The following EVC variants were observed in gnomAD, a reference collection of about 807,000 sequenced individuals.
The protein encoded by EVC is evC complex member EVC.
Under a neutral mutation model 118.9 loss-of-function variants are expected in EVC, and 116 were observed. The observed-to-expected ratio is 0.98, with a 90% CI of 0.84 to 1.14. The LOEUF (loss-of-function observed/expected upper bound fraction) is 1.14. Among genes scored for constraint, EVC ranks in the 50% most tolerant of loss-of-function variants. The pLI is 0.00. For missense variants in EVC, 1,401 were observed against 1,246.4 expected (o/e 1.12, Z -1.87); for synonymous variants, 619 against 534.7 (o/e 1.16, Z -2.18).
In EVC at chr4:5,731,785, A is replaced by G; in HGVS notation, c.617+128A>G. On this transcript the variant is annotated intron_variant, in intron 4 of 20. Transcript: ENST00000264956. This position sits in a 1 kb window ranked among gnomAD's most constrained non-coding sequence, Gnocchi z 5.6. ...GTGACTCTGCCAGGGACACACAGCG[A>G]CCCAGCGTCACCATCGGAGCCCCAG... 2 of 911,760 alleles carry G rather than the reference A, an allele frequency of 2.2e-6. No homozygotes were observed. Among genetic ancestry groups the G allele is most frequent in the Non-Finnish European group, 3.5e-6 (2 of 572,452 alleles). The allele number at this position is 911,760 out of a possible 1,614,324, so 56.5% of individuals were successfully genotyped here.
At chr4:5,822,625 A>G in the EVC span, among the ~76,000 whole-genome samples, 1 of 152,174 alleles carries the variant, frequency 6.6e-6, no homozygotes, top group Non-Finnish European at 1.5e-5. Flanking sequence ...AGCTCAACAA[A>G]TATTTATTAA....
Position 5,711,419 on chromosome 4 carries a change from G to A in EVC, c.39G>A (p.Arg13=), listed in dbSNP as rs1479357518. 7 of 1,026,076 alleles carry A rather than the reference G, an allele frequency of 6.8e-6. No individual in the cohort carries two copies. Among genetic ancestry groups the A allele is most frequent in the Non-Finnish European group, 7.0e-6 (6 of 859,652 alleles). 63.6% of individuals were successfully genotyped at this position (1,026,076 alleles called of 1,614,324 possible). A position where few individuals can be genotyped will look rare whatever the true frequency, so the allele number is the denominator to read the frequency against. ...GGGCGGCCTGCAAGAGCGACGCGCGGCTGCTGCTGGGGCGGGACGCGCTGC... is the reference window on the plus strand; with the variant it reads ...GGGCGGCCTGCAAGAGCGACGCGCGACTGCTGCTGGGGCGGGACGCGCTGC... ...RGGAACKSDA[R]LLLGRDALRP... The change falls in exon 1 of 21, where the codon CGG becomes CGA. Residue 13 remains arginine, a synonymous_variant. Coordinates refer to ENST00000264956, the MANE Select transcript of EVC (RefSeq NM_153717.3).
chr4:5,807,350 C>A (rs545332008), intron 17 of EVC, among the ~76,000 whole-genome samples: 207 of 152,272 alleles, frequency 1.4e-3, no homozygotes, highest in African/African-American at 4.7e-3. Context: ...AAAGGTGTTA[C>A]TGGCGGACAG....
At chr4:5,827,368 G>GT in the EVC span, among the ~76,000 whole-genome samples, 8 of 152,090 alleles carry the variant, frequency 5.3e-5, no homozygotes, top group Non-Finnish European at 8.8e-5. Flanking sequence ...CCCATCCCTT[G>GT]TTTCCCCATC....
rs778787222 is a variant in EVC at position 5,753,901 on chromosome 4, C to T, written c.1432C>T (p.Gln478Ter). The T allele has an allele frequency of 1.9e-6, 3 of 1,613,618 alleles. No individual in the cohort carries two copies. Among genetic ancestry groups the T allele is most frequent in the Non-Finnish European group, 2.5e-6 (3 of 1,180,030 alleles). ...ACAGAGAAGCTTCCTGGCTGAGGCC[C>T]AGCCGACTGCTGACCCGGAAAAGTT... ...EEQRSFLAEA[Q>*]PTADPEKFLE... The change falls in exon 10 of 21, where the codon CAG becomes TAG. Residue 478 changes from glutamine to a stop codon, truncating the protein, a stop_gained. Coordinates refer to ENST00000264956, the MANE Select transcript of EVC (RefSeq NM_153717.3). LOFTEE classifies it high-confidence loss of function.
At chr4:5,773,726 G>C (rs560293210) in intron 11 of EVC, among the ~76,000 whole-genome samples, 1 of 152,012 alleles carries the variant, frequency 6.6e-6, no homozygotes, top group African/African-American at 2.4e-5. Flanking sequence ...GCTTCTGGTG[G>C]ATGGCCCAGT....
At chr4:5,825,897 ACAGACGCACACAC>A in the EVC span, 1 of 523,856 alleles carries the variant, frequency 1.9e-6, no homozygotes. The surrounding 1 kb of genome is among the most constrained non-coding windows in gnomAD (Gnocchi z 4.4). Flanking sequence ...GCATACACAT[ACAGACGCACACAC>A]CACGCACACG....
rs922634576 is a variant in EVC, at chr4:5,752,982, G to A, written c.1245G>A (p.Gly415=). 1.2e-6 allele frequency: 2 copies of A among 1,613,548 alleles called. No individual in the cohort carries two copies. The highest frequency in any genetic ancestry group is 2.7e-5 in the African/African-American group (2 of 74,940). Residue 415 remains glycine, a synonymous_variant, in exon 9 of 21, where the codon GGG becomes GGA. Coordinates refer to ENST00000264956, the MANE Select transcript of EVC (RefSeq NM_153717.3). ...TGGCTGGTGAGGGGAAGCTGTCCGG[G>A]CGGCAGAAGGAGGAGCTGCTCACGC... ...ELLAGEGKLS[G]RQKEELLTQQ... is the part of the protein sequence containing the mutation.
the EVC span, among the ~76,000 whole-genome samples, chr4:5,819,587 C>T: frequency 3.3e-5 from 5 of 152,166 alleles, no homozygotes; most frequent in Admixed American, 6.5e-5. Context: ...GCAAGCACCC[C>T]GTCAGAGTCT....
chr4:5,783,412 A>G, intron 11 of EVC, 140 bp from the exon 12 acceptor site: 1 of 797,870 alleles, frequency 1.3e-6, no homozygotes, highest in Admixed American at 1.9e-5. Context: ...GCATGCTTGC[A>G]TACGTGTGAC....
intron 7 of EVC, among the ~76,000 whole-genome samples, chr4:5,747,729 A>G (rs917763231): frequency 2.6e-5 from 4 of 152,230 alleles, no homozygotes; most frequent in Non-Finnish European, 5.9e-5. Context: ...TTTTAGGACA[A>G]TAACTAATAT....
chr4:5,759,608 T>A (rs1393860121), intron 11 of EVC, among the ~76,000 whole-genome samples: 1 of 152,168 alleles, frequency 6.6e-6, no homozygotes, highest in African/African-American at 2.4e-5. Context: ...TTGCTGTGCA[T>A]CAGAATGTCA....
At chr4:5,724,271 G>C (rs1725445081) in intron 2 of EVC, among the ~76,000 whole-genome samples, 1 of 152,252 alleles carries the variant, frequency 6.6e-6, no homozygotes, top group Non-Finnish European at 1.5e-5. Flanking sequence ...GCATAGGCCA[G>C]GGCCATGGAT....
chr4:5,778,732 G>A (rs545978824), intron 11 of EVC, among the ~76,000 whole-genome samples: 1 of 152,214 alleles, frequency 6.6e-6, no homozygotes, highest in East Asian at 1.9e-4. Context: ...TGTAGATTCT[G>A]GATATTAGCC....
At position 5,783,772 on chromosome 4, in the gene EVC, C is replaced by T; in HGVS notation, c.1776+8C>T. 6.2e-7 allele frequency: 1 copy of T among 1,602,344 alleles called. No homozygotes were observed. Among genetic ancestry groups the T allele is most frequent in the Non-Finnish European group, 8.5e-7 (1 of 1,174,130 alleles). ...CTAGAGCAAGACCAGCAGGTGCGGGCATTTGGGAACCCAGGGGCTGGGGTC... is the reference window on the plus strand; with the variant it reads ...CTAGAGCAAGACCAGCAGGTGCGGGTATTTGGGAACCCAGGGGCTGGGGTC... On this transcript the variant is annotated splice_region_variant and intron_variant, in intron 12 of 20. Coordinates refer to ENST00000264956, the MANE Select transcript of EVC (RefSeq NM_153717.3).
the EVC span, chr4:5,825,974 A>C: frequency 4.9e-6 from 2 of 404,410 alleles, no homozygotes; most frequent in Non-Finnish European, 8.9e-6. The surrounding 1 kb of genome is among the most constrained non-coding windows in gnomAD (Gnocchi z 4.4). Context: ...GCAGTAACAA[A>C]ACAGGCCTAC....
intron 5 of EVC, among the ~76,000 whole-genome samples, chr4:5,735,057 C>T (rs1727450066): frequency 6.6e-6 from 1 of 152,254 alleles, no homozygotes; most frequent in Non-Finnish European, 1.5e-5. Context: ...CGTTCAGCAT[C>T]ACTCACCATC....
rs535100642 is a variant in EVC at position 5,752,635 on chromosome 4, G to A, written c.1099-201G>A. The A allele has an allele frequency of 2.0e-3, 1,357 of 662,042 alleles. 6 individuals are homozygous for A. Among genetic ancestry groups the A allele is most frequent in the Non-Finnish European group, 3.2e-3 (1,162 of 366,140 alleles). The allele number at this position is 662,042 out of a possible 1,614,324, so 41.0% of individuals were successfully genotyped here. On this transcript the variant is annotated intron_variant, in intron 8 of 20. Coordinates refer to ENST00000264956, the MANE Select transcript of EVC (RefSeq NM_153717.3). ...GCTGCGTCAGCCTCCCCGCACCCTA[G>A]GAGAGACACTTAATCCCCACCTCGG... is the stretch of plus-strand genomic sequence containing the variant.
the EVC span, among the ~76,000 whole-genome samples, chr4:5,824,046 G>A: frequency 1.3e-5 from 2 of 152,210 alleles, no homozygotes; most frequent in African/African-American, 4.8e-5. Context: ...GAAACTGAGA[G>A]AACAAGGGTG....
Sources: allele counts gnomAD v4.1 joint callset (sites outside exome capture counted in the v4.1 genomes callset), GRCh38; gene constraint gnomAD v4.1.1; non-coding constraint Gnocchi (gnomAD v3.1); transcripts MANE v1.5; gene names NCBI Gene and HGNC (gene_info 2026-07-23, HGNC 2026-07-21).